Variants in HMHB1 observed in about 807,000 individuals in gnomAD.
HMHB1 encodes the protein minor histocompatibility protein HB-1.
Under a neutral mutation model 2.4 loss-of-function variants are expected in HMHB1, and 4 were observed. The observed-to-expected ratio is 1.65, with a 90% CI of 0.81 to 3.77. The LOEUF is 3.77. Among genes scored for constraint, HMHB1 ranks in the 30% most tolerant of loss-of-function variants. The probability of loss-of-function intolerance (pLI) is 0.01; values close to 1 mark genes in which losing one functional copy is unlikely to be tolerated. For missense variants in HMHB1, 57 were observed against 44.2 expected, an observed-to-expected ratio of 1.29 and a Z score of -0.82; for synonymous variants, 22 against 17.6, an observed-to-expected ratio of 1.25 and a Z score of -0.63.
intron 1 of HMHB1, 70 bp downstream of exon 1, chr5:143,812,374 A>C: frequency 7.1e-7 from 1 of 1,416,364 alleles, no homozygotes; most frequent in Non-Finnish European, 9.7e-7. Context: ...AGAAAATGAA[A>C]GAAAATGCTG....
chr5:143,818,182 A>T (rs1759769858), intron 1 of HMHB1, among the ~76,000 whole-genome samples: 1 of 152,232 alleles, frequency 6.6e-6, no homozygotes, highest in East Asian at 1.9e-4. Context: ...TCCAATAGGC[A>T]TAGTAAAAGA....
Position 143,812,302 on chromosome 5 carries a change from G to A in HMHB1, c.35G>A (p.Arg12Lys). ...CAGCCAGAATGCAGAGAAGAAAAAA[G>A]AGGTGAGGGAGCGAGGAGGAGGGAG... Residue 12 changes from arginine (R) to lysine (K), a missense_variant and splice_region_variant, in exon 1 of 2, where the codon AGA becomes AAA. Coordinates refer to ENST00000289448, the MANE Select transcript of HMHB1 (RefSeq NM_021182.3). 6.4e-7 allele frequency: 1 copy of A among 1,551,670 alleles called. No individual in the cohort carries two copies. Among genetic ancestry groups the A allele is most frequent in the Admixed American group, 2.0e-5 (1 of 51,010 alleles).
Position 143,812,321 on chromosome 5 carries a change from G to A in HMHB1, c.37+17G>A, listed in dbSNP as rs1208519754. On this transcript the variant is annotated intron_variant, in intron 1 of 1. Transcript: ENST00000289448. ...AAAAAAGAGGTGAGGGAGCGAGGAG[G>A]AGGGAGAACAGAGAGAGAGGGAAAG... is the stretch of plus-strand genomic sequence containing the variant. 2 of 1,550,892 alleles carry A rather than the reference G, an allele frequency of 1.3e-6. No individual in the cohort carries two copies. The highest frequency in any genetic ancestry group is 2.0e-5 in the Admixed American group (1 of 50,998).
chr5:143,813,227 T>A (rs1027198272), intron 1 of HMHB1, among the ~76,000 whole-genome samples: 1 of 152,210 alleles, frequency 6.6e-6, no homozygotes, highest in Admixed American at 6.5e-5. Context: ...TCTTTTAGAA[T>A]TTTTATGCTG....
chr5:143,813,712 A>T (rs1180693951), intron 1 of HMHB1, among the ~76,000 whole-genome samples: 1 of 152,200 alleles, frequency 6.6e-6, no homozygotes, highest in Non-Finnish European at 1.5e-5. Context: ...TAACAAATAA[A>T]ATTCTTTTGT....
intron 1 of HMHB1, among the ~76,000 whole-genome samples, chr5:143,819,818 C>T (rs575654257): frequency 6.6e-6 from 1 of 152,064 alleles, no homozygotes; most frequent in African/African-American, 2.4e-5. Flanking sequence ...TTAGTCATGG[C>T]AAGGGTGACA....
At chr5:143,818,175 A>C (rs1759769718) in intron 1 of HMHB1, among the ~76,000 whole-genome samples, 1 of 152,232 alleles carries the variant, frequency 6.6e-6, no homozygotes, top group African/African-American at 2.4e-5. Context: ...ATATTATTCC[A>C]ATAGGCATAG....
At chr5:143,813,442 G>C (rs1759714455) in intron 1 of HMHB1, among the ~76,000 whole-genome samples, 1 of 152,210 alleles carries the variant, frequency 6.6e-6, no homozygotes, top group African/African-American at 2.4e-5. Context: ...GGAAGGAACT[G>C]TGTTTTAATC....
rs1561938247 is a variant in HMHB1, at chr5:143,820,716, T to G, written c.*148T>G. 6.0e-6 allele frequency: 3 copies of G among 497,182 alleles called. No individual in the cohort carries two copies. Among genetic ancestry groups the G allele is most frequent in the East Asian group, 6.3e-5 (2 of 31,674 alleles). The allele number at this position is 497,182 out of a possible 1,614,324, so 30.8% of individuals were successfully genotyped here. A position where few individuals can be genotyped will look rare whatever the true frequency, so the allele number is the denominator to read the frequency against. ...CACAGTGAAATGAAAAGTCAACCTTTGAACATGTGTGTGTGTCTCTCATTT... is the reference window on the plus strand; with the variant it reads ...CACAGTGAAATGAAAAGTCAACCTTGGAACATGTGTGTGTGTCTCTCATTT... On this transcript the variant is annotated 3_prime_UTR_variant, in exon 2 of 2. Transcript: ENST00000289448.
intron 1 of HMHB1, among the ~76,000 whole-genome samples, chr5:143,814,215 C>A (rs1759723906): frequency 6.6e-6 from 1 of 152,070 alleles, no homozygotes; most frequent in Non-Finnish European, 1.5e-5. Flanking sequence ...CTGCATCCAG[C>A]CAAATATGGA....
At chr5:143,817,329 A>G (rs760493582) in intron 1 of HMHB1, among the ~76,000 whole-genome samples, 16 of 152,174 alleles carry the variant, frequency 1.1e-4, no homozygotes, top group Non-Finnish European at 2.2e-4. Context: ...TAGAATTTTT[A>G]TAGTTTCAGG....
At chr5:143,812,480 C>T (rs766734748) in intron 1 of HMHB1, among the ~76,000 whole-genome samples, 176 bp downstream of exon 1, 2 of 152,046 alleles carry the variant, frequency 1.3e-5, no homozygotes, top group African/African-American at 4.8e-5. Context: ...TTATTTAGGG[C>T]GGATAGTTTC....
chr5:143,814,992 T>C (rs1759731885), intron 1 of HMHB1, among the ~76,000 whole-genome samples: 1 of 152,178 alleles, frequency 6.6e-6, no homozygotes, highest in African/African-American at 2.4e-5. Context: ...CTTTGCAGCA[T>C]GGATGGTGCA....
chr5:143,820,346 A>AAAAAAAAAAAAAAAAAAAAAAAAAAAAT (rs1759797851), intron 1 of HMHB1, 134 bp from the exon 2 acceptor site: 1 of 275,914 alleles, frequency 3.6e-6, no homozygotes, highest in Non-Finnish European at 6.6e-6. Context: ...AAAAAAAAAA[A>AAAAAAAAAAAAAAAAAAAAAAAAAAAAT]AAAACAGAAC....
At chr5:143,812,559 T>C (rs886931761) in intron 1 of HMHB1, among the ~76,000 whole-genome samples, 1 of 152,052 alleles carries the variant, frequency 6.6e-6, no homozygotes, top group African/African-American at 2.4e-5. Flanking sequence ...GAGGCAGCAG[T>C]TGGAGCAGCT....
intron 1 of HMHB1, among the ~76,000 whole-genome samples, chr5:143,812,612 C>A (rs1759704648): frequency 6.6e-6 from 1 of 152,184 alleles, no homozygotes; most frequent in South Asian, 2.1e-4. Context: ...AAGGGAAGTG[C>A]AGATGGGCAG....
At position 143,812,288 on chromosome 5, in the gene HMHB1, C is replaced by T; in HGVS notation, c.21C>T (p.Cys7=). 6.4e-7 allele frequency: 1 copy of T among 1,551,270 alleles called. No individual in the cohort carries two copies. Among genetic ancestry groups the T allele is most frequent in the East Asian group, 2.4e-5 (1 of 40,896 alleles). ...CAGAACTGGAGGAGCAGCCAGAATG[C>T]AGAGAAGAAAAAAGAGGTGAGGGAG... The change falls in exon 1 of 2, where the codon TGC becomes TGT. Residue 7 remains cysteine, a synonymous_variant. Transcript: ENST00000289448.
chr5:143,812,179 A>G lies in HMHB1; in HGVS notation c.-89A>G. 8.2e-7 allele frequency: 1 copy of G among 1,224,012 alleles called. No homozygotes were observed. The highest frequency in any genetic ancestry group is 1.2e-6 in the Non-Finnish European group (1 of 857,368). 75.8% of individuals were successfully genotyped at this position (1,224,012 alleles called of 1,614,324 possible). ...GAGGAAACCACATCCCAGGAGGCCG[A>G]GGCGGCTTGCCCCGCATCTCAGAAG... On this transcript the variant is annotated 5_prime_UTR_variant, in exon 1 of 2. Transcript: ENST00000289448.
intron 1 of HMHB1, among the ~76,000 whole-genome samples, chr5:143,812,874 A>G (rs1759707841): frequency 6.6e-6 from 1 of 152,176 alleles, no homozygotes. Context: ...TTACAGATAA[A>G]GACACGATGG....
Sources: allele counts gnomAD v4.1 joint callset (sites outside exome capture counted in the v4.1 genomes callset), GRCh38; gene constraint gnomAD v4.1.1; transcripts MANE v1.5; gene names NCBI Gene and HGNC (gene_info 2026-07-23, HGNC 2026-07-21).